Variants in HMCN1 observed in about 807,000 individuals in gnomAD.
The protein encoded by HMCN1 is hemicentin 1.
HMCN1 carries 321 observed loss-of-function variants against 625.9 expected under a neutral mutation model. The ratio of observed to expected loss-of-function variants is 0.51; its 90% CI spans 0.47 to 0.56. The LOEUF is 0.56. Among genes scored for constraint, HMCN1 ranks in the 20% least tolerant of loss-of-function variants. The pLI is 0.00. For missense variants in HMCN1, 6,588 were observed against 6,887.3 expected, an observed-to-expected ratio of 0.96 and a Z score of 1.54; for synonymous variants, 2,425 against 2,417.6, an observed-to-expected ratio of 1.00 and a Z score of -0.09.
At chr1:186,089,952 A>G (rs927979255) in intron 63 of HMCN1, among the ~76,000 whole-genome samples, 1 of 151,928 alleles carries the variant, frequency 6.6e-6, no homozygotes, top group East Asian at 1.9e-4. Context: ...TTCGTAGCCA[A>G]TTGTTTGCCA....
At chr1:185,989,287 A>G (rs557599942) in intron 20 of HMCN1, among the ~76,000 whole-genome samples, 8 of 151,862 alleles carry the variant, frequency 5.3e-5, no homozygotes, top group South Asian at 4.2e-4. Flanking sequence ...GAGCCACCGC[A>G]CCTGGCCCAA....
At chr1:185,907,534 T>A (rs1413868934) in intron 4 of HMCN1, among the ~76,000 whole-genome samples, 5 of 152,058 alleles carry the variant, frequency 3.3e-5, no homozygotes, top group Non-Finnish European at 7.4e-5. Context: ...TAGTCACTCA[T>A]GTTCTCAACA....
At position 185,796,527 on chromosome 1, in the gene HMCN1, C is replaced by G. The variant is rs61199984; in HGVS notation, c.269-49499C>G. On this transcript the variant is annotated intron_variant, in intron 1 of 106. Transcript: ENST00000271588. ...CGCTTATAAGTGAGAATCTGACTTT[C>G]TGTTTCTGAGTTATTTCACTTATGA... Among the ~76,000 whole-genome samples the G allele has an allele frequency of 1.3e-3, 203 of 152,324 alleles. 1 individual carries two copies. The highest frequency in any genetic ancestry group is 4.5e-3 in the African/African-American group (187 of 41,568).
intron 11 of HMCN1, among the ~76,000 whole-genome samples, chr1:185,961,352 TTTTA>T (rs749890971): frequency 7.2e-5 from 11 of 152,178 alleles, no homozygotes; most frequent in African/African-American, 2.4e-4. Flanking sequence ...AATTTCTCAA[TTTTA>T]TTTATAGTAA....
At chr1:185,837,964 T>G (rs1363141222) in intron 1 of HMCN1, among the ~76,000 whole-genome samples, 1 of 152,204 alleles carries the variant, frequency 6.6e-6, no homozygotes, top group African/African-American at 2.4e-5. Flanking sequence ...GTAAAACTCT[T>G]GCTAGTAAAT....
chr1:186,104,404 G>C (rs1660517796), intron 69 of HMCN1, among the ~76,000 whole-genome samples: 1 of 152,198 alleles, frequency 6.6e-6, no homozygotes, highest in Non-Finnish European at 1.5e-5. Flanking sequence ...GATTGTTCCT[G>C]CTGTTGCTGT....
chr1:186,138,324 A>C (rs954073956), intron 89 of HMCN1, among the ~76,000 whole-genome samples: 5 of 152,216 alleles, frequency 3.3e-5, no homozygotes, highest in Non-Finnish European at 5.9e-5. Flanking sequence ...GAGAGGTTAA[A>C]GACTTGCCCA....
Position 186,144,560 on chromosome 1 carries a change from G to A in HMCN1, c.14123G>A (p.Ser4708Asn). ...PIHGKWATWA[S>N]WSACSVSCGG... is the part of the protein sequence containing the mutation. ...CATGGCAAGTGGGCGACTTGGGCCA[G>A]TTGGAGTGCCTGTTCTGTGTCATGT... Residue 4708 changes from serine (S) to asparagine (N), a missense_variant, in exon 91 of 107, where the codon AGT (serine) becomes AAT (asparagine). Physicochemically the swap from Ser to Asn is conservative, Grantham distance 46. This residue lies in a region of HMCN1 where 1,954 missense variants were observed against 2,013.1 expected (regional missense o/e 0.97). Coordinates refer to ENST00000271588, the MANE Select transcript of HMCN1 (RefSeq NM_031935.3). The A allele has an allele frequency of 6.2e-7, 1 of 1,614,128 alleles. No homozygotes were observed. Among genetic ancestry groups the A allele is most frequent in the Non-Finnish European group, 8.5e-7 (1 of 1,180,010 alleles).
intron 11 of HMCN1, among the ~76,000 whole-genome samples, chr1:185,937,737 C>T (rs1030112735): frequency 2.0e-5 from 3 of 151,914 alleles, no homozygotes; most frequent in African/African-American, 4.8e-5. Flanking sequence ...AAAAATTAGC[C>T]AGGCTTGGTG....
chr1:185,808,533 A>G (rs1659316785), intron 1 of HMCN1, among the ~76,000 whole-genome samples: 1 of 152,136 alleles, frequency 6.6e-6, no homozygotes, highest in South Asian at 2.1e-4. Context: ...AAATTACTTA[A>G]AACTCAGCAA....
intron 2 of HMCN1, among the ~76,000 whole-genome samples, chr1:185,863,508 A>T (rs998379950): frequency 6.6e-6 from 1 of 152,244 alleles, no homozygotes; most frequent in African/African-American, 2.4e-5. Context: ...TAAAGTATGG[A>T]ATATAGACAT....
chr1:185,963,510 G>A (rs1295802190), intron 12 of HMCN1, among the ~76,000 whole-genome samples: 1 of 151,096 alleles, frequency 6.6e-6, no homozygotes, highest in Non-Finnish European at 1.5e-5. Context: ...AACTCATTAG[G>A]GTGAGGAAAA....
At chr1:186,054,711 C>G (rs1349599335) in intron 44 of HMCN1, among the ~76,000 whole-genome samples, 1 of 152,024 alleles carries the variant, frequency 6.6e-6, no homozygotes, top group East Asian at 1.9e-4. Flanking sequence ...GTCACTGGAG[C>G]TGGTCAGCAG....
At chr1:185,946,103 G>A (rs1668327608) in intron 11 of HMCN1, among the ~76,000 whole-genome samples, 1 of 152,154 alleles carries the variant, frequency 6.6e-6, no homozygotes, top group Admixed American at 6.5e-5. Flanking sequence ...AATGACAGCT[G>A]GAAGGATGGG....
intron 1 of HMCN1, among the ~76,000 whole-genome samples, chr1:185,761,767 C>T (rs550872968): frequency 1.3e-5 from 2 of 152,204 alleles, no homozygotes; most frequent in African/African-American, 2.4e-5. Context: ...TAGTATAGGA[C>T]GTGAATACTT....
intron 1 of HMCN1, among the ~76,000 whole-genome samples, chr1:185,786,075 G>A (rs562705315): frequency 2.6e-5 from 4 of 152,030 alleles, no homozygotes; most frequent in Non-Finnish European, 5.9e-5. Context: ...TATATCTCAG[G>A]GAATAGAGAT....
intron 11 of HMCN1, among the ~76,000 whole-genome samples, chr1:185,944,279 C>T (rs1477725290): frequency 1.3e-5 from 2 of 152,100 alleles, no homozygotes; most frequent in East Asian, 3.9e-4. Context: ...TACACAAAGA[C>T]ATACAGAAGG....
At chr1:185,962,258 C>A (rs779116185) in intron 11 of HMCN1, among the ~76,000 whole-genome samples, 1 of 152,048 alleles carries the variant, frequency 6.6e-6, no homozygotes. Context: ...TGGAGGCAAG[C>A]CAGCAAGGGG....
intron 29 of HMCN1, among the ~76,000 whole-genome samples, chr1:186,005,783 C>A (rs1374343173): frequency 6.6e-6 from 1 of 152,088 alleles, no homozygotes; most frequent in Non-Finnish European, 1.5e-5. Context: ...AATTGACAAT[C>A]AATAAAAGTT....
Sources: allele counts gnomAD v4.1 joint callset (sites outside exome capture counted in the v4.1 genomes callset), GRCh38; gene constraint gnomAD v4.1.1; regional missense constraint gnomAD v4.1.1; transcripts MANE v1.5; gene names NCBI Gene and HGNC (gene_info 2026-07-23, HGNC 2026-07-21).